Variants in UNC5D observed in about 807,000 individuals in gnomAD.
The protein encoded by UNC5D is unc-5 netrin receptor D, also known as netrin receptor UNC5D.
Under a neutral mutation model 105.4 loss-of-function variants are expected in UNC5D, and 39 were observed. The observed-to-expected ratio is 0.37, with a 90% confidence interval of 0.29 to 0.48. The LOEUF is 0.48. Ranked by LOEUF, UNC5D falls within the 20% of genes least tolerant of loss-of-function variation. UNC5D has a pLI of 0.98. For synonymous variants in UNC5D, 452 were observed against 450.4 expected, an observed-to-expected ratio of 1.00 and a Z score of -0.04; for missense variants, 991 against 1,202.4, an observed-to-expected ratio of 0.82 and a Z score of 2.60.
intron 1 of UNC5D, among the ~76,000 whole-genome samples, chr8:35,360,408 C>T (rs1208599576): frequency 6.6e-6 from 1 of 152,184 alleles, no homozygotes; most frequent in Non-Finnish European, 1.5e-5. Flanking sequence ...TCCTTTAAAG[C>T]AGCTTTTGCG....
chr8:35,321,158 G>C (rs530597627), intron 1 of UNC5D, among the ~76,000 whole-genome samples: 1 of 152,072 alleles, frequency 6.6e-6, no homozygotes, highest in South Asian at 2.1e-4. Context: ...TTTGCTTTTT[G>C]GTCACAGTTT....
At chr8:35,549,176 A>G (rs1422210857) in intron 1 of UNC5D, 116 bp from the exon 2 acceptor site, 1 of 972,898 alleles carries the variant, frequency 1.0e-6, no homozygotes, top group African/African-American at 1.6e-5. Flanking sequence ...TGCTTTATTA[A>G]TAAAGCGAAT....
chr8:35,245,672 A>G (rs925830847), intron 1 of UNC5D, among the ~76,000 whole-genome samples: 4 of 152,156 alleles, frequency 2.6e-5, no homozygotes, highest in African/African-American at 9.7e-5. Context: ...CTAACTTGCA[A>G]TGCACATCAG....
At chr8:35,666,614 A>G (rs1056918146) in intron 4 of UNC5D, among the ~76,000 whole-genome samples, 1 of 152,178 alleles carries the variant, frequency 6.6e-6, no homozygotes, top group African/African-American at 2.4e-5. Flanking sequence ...AAACCATCCA[A>G]TTTAATTGAC....
chr8:35,591,724 A>G (rs536686239), intron 3 of UNC5D, among the ~76,000 whole-genome samples: 1 of 152,276 alleles, frequency 6.6e-6, no homozygotes, highest in African/African-American at 2.4e-5. Flanking sequence ...CCTGCCCTGT[A>G]TCAGATATTA....
At chr8:35,304,325 A>G (rs1482382626) in intron 1 of UNC5D, among the ~76,000 whole-genome samples, 1 of 152,102 alleles carries the variant, frequency 6.6e-6, no homozygotes, top group Non-Finnish European at 1.5e-5. Flanking sequence ...AAAAAGTGTT[A>G]GGCAATATCT....
At chr8:35,708,426 T>C (rs1448378128) in intron 8 of UNC5D, among the ~76,000 whole-genome samples, 2 of 152,242 alleles carry the variant, frequency 1.3e-5, no homozygotes, top group Non-Finnish European at 2.9e-5. Context: ...TTAAATTATC[T>C]TCAGGTGCTT....
rs116753303 is a variant in UNC5D, at chr8:35,745,667, A to G, written c.1767-2860A>G. Among the ~76,000 whole-genome samples the G allele has an allele frequency of 6.9e-3, 1,044 of 152,332 alleles. 9 individuals are homozygous for G. The highest frequency in any genetic ancestry group is 0.024 in the African/African-American group (993 of 41,566). ...TATACACAGCATTTAAACTACAAATATATCAGCATGCATGTATATGTGCAC... is the reference window on the plus strand; with the variant it reads ...TATACACAGCATTTAAACTACAAATGTATCAGCATGCATGTATATGTGCAC... On this transcript the variant is annotated intron_variant, in intron 11 of 16. Transcript: ENST00000404895.
At chr8:35,420,727 T>TATTA (rs1212531840) in intron 1 of UNC5D, among the ~76,000 whole-genome samples, 1 of 134,906 alleles carries the variant, frequency 7.4e-6, no homozygotes, top group East Asian at 2.2e-4. Context: ...AATTAAATGG[T>TATTA]ATTAATACCA....
chr8:35,324,502 TGTG>T (rs1490315902), intron 1 of UNC5D, among the ~76,000 whole-genome samples: 5 of 152,240 alleles, frequency 3.3e-5, no homozygotes, highest in South Asian at 2.1e-4. Flanking sequence ...AATTGCAAAA[TGTG>T]GTGCAAATGT....
chr8:35,512,533 A>ATG (rs1403271035), intron 1 of UNC5D, among the ~76,000 whole-genome samples: 1,730 of 73,670 alleles, frequency 0.023, 115 homozygotes, highest in African/African-American at 0.049. Flanking sequence ...ATATTCAGAT[A>ATG]TGTATGTATA....
At chr8:35,405,612 T>A (rs1292323510) in intron 1 of UNC5D, among the ~76,000 whole-genome samples, 1 of 152,182 alleles carries the variant, frequency 6.6e-6, no homozygotes, top group African/African-American at 2.4e-5. Context: ...TCTATTTCTG[T>A]CAGAATTAGT....
At chr8:35,276,896 G>A (rs1183658962) in intron 1 of UNC5D, among the ~76,000 whole-genome samples, 25 of 152,148 alleles carry the variant, frequency 1.6e-4, no homozygotes, top group Admixed American at 1.6e-3. Context: ...TTATGATTTA[G>A]CAGGAGACAA....
intron 8 of UNC5D, among the ~76,000 whole-genome samples, chr8:35,706,453 C>G (rs577109488): frequency 5.1e-4 from 77 of 152,160 alleles, no homozygotes; most frequent in African/African-American, 1.7e-3. Flanking sequence ...CTCGTTGTAC[C>G]CAGGCTTGCT....
chr8:35,714,035 AAAATGGT>A (rs1262995065), intron 8 of UNC5D, among the ~76,000 whole-genome samples: 1 of 152,224 alleles, frequency 6.6e-6, no homozygotes, highest in African/African-American at 2.4e-5. Flanking sequence ...ATCCACAGGT[AAAATGGT>A]TCAAAGTAAT....
intron 1 of UNC5D, among the ~76,000 whole-genome samples, chr8:35,478,083 C>G (rs1810241013): frequency 6.6e-6 from 1 of 152,250 alleles, no homozygotes; most frequent in Non-Finnish European, 1.5e-5. Flanking sequence ...CTGACCAATT[C>G]TCTTCCTTCC....
At chr8:35,739,413 T>C (rs1311485708) in intron 11 of UNC5D, among the ~76,000 whole-genome samples, 1 of 152,180 alleles carries the variant, frequency 6.6e-6, no homozygotes, top group Non-Finnish European at 1.5e-5. Context: ...CATTTCTCCT[T>C]GCTGTTCCTC....
At chr8:35,405,420 C>T (rs1046826250) in intron 1 of UNC5D, among the ~76,000 whole-genome samples, 3 of 152,236 alleles carry the variant, frequency 2.0e-5, no homozygotes, top group Non-Finnish European at 2.9e-5. Context: ...TTAAGCTGAG[C>T]CTATGATGCC....
rs969226456 is a variant in UNC5D, at chr8:35,347,875, A to G, written c.103+111988A>G. On this transcript the variant is annotated intron_variant, in intron 1 of 16. Transcript: ENST00000404895. ...CCAAGAGGTCACCTGAAGAAAGACCAGGGAAGTTTACAAAACACGAATGAA... is the reference window on the plus strand; with the variant it reads ...CCAAGAGGTCACCTGAAGAAAGACCGGGGAAGTTTACAAAACACGAATGAA... Among the ~76,000 whole-genome samples, 14 of 152,200 alleles carry G rather than the reference A, an allele frequency of 9.2e-5. No homozygotes were observed. The South Asian group carries it at 2.5e-3, about 27-fold the overall frequency.
Sources: gnomAD v4.1 joint callset for allele counts (sites outside exome capture counted in the v4.1 genomes callset) on GRCh38, gnomAD v4.1.1 for gene constraint, MANE v1.5 for transcripts, NCBI Gene and HGNC (gene_info 2026-07-23, HGNC 2026-07-21) for gene names.